The following MAD1L1 variants were observed in gnomAD, a reference collection of about 807,000 sequenced individuals.
MAD1L1 encodes the protein mitotic spindle assembly checkpoint protein MAD1.
Under a neutral mutation model 96.9 loss-of-function variants are expected in MAD1L1, and 95 were observed. The ratio of observed to expected loss-of-function variants is 0.98; its 90% CI spans 0.83 to 1.16. MAD1L1 has a LOEUF of 1.16. Among genes scored for constraint, MAD1L1 ranks in the 50% most tolerant of loss-of-function variants. The pLI is 0.00. For missense variants in MAD1L1, 1,007 were observed against 954.4 expected (o/e 1.06, Z -0.73); for synonymous variants, 473 against 396.6 (o/e 1.19, Z -2.29).
chr7:2,085,940 G>A (rs1350608085), intron 11 of MAD1L1, among the ~76,000 whole-genome samples: 2 of 152,182 alleles, frequency 1.3e-5, no homozygotes, highest in Non-Finnish European at 2.9e-5. Flanking sequence ...CGAGGGCGCC[G>A]ACTGCCCACT....
At chr7:1,929,744 C>CCCCTACT in intron 17 of MAD1L1, among the ~76,000 whole-genome samples, 12 of 141,950 alleles carry the variant, frequency 8.5e-5, no homozygotes, top group South Asian at 2.4e-4. Flanking sequence ...CACGTCCCCT[C>CCCCTACT]GCCCCGTCCC....
intron 14 of MAD1L1, among the ~76,000 whole-genome samples, chr7:1,987,571 G>GGGGGGGAGAGGCAGGT (rs1562586834): frequency 1.3e-5 from 2 of 152,256 alleles, no homozygotes; most frequent in South Asian, 4.2e-4. Context: ...CCATCGGGGA[G>GGGGGGGAGAGGCAGGT]GGGGGGAGAG....
chr7:2,224,889 A>G (rs989453285), intron 4 of MAD1L1, among the ~76,000 whole-genome samples: 8 of 152,100 alleles, frequency 5.3e-5, no homozygotes, highest in Non-Finnish European at 1.0e-4. Context: ...TCCAACCCCA[A>G]GACCCAGCAT....
chr7:1,874,464 G>A, intron 18 of MAD1L1: 1 of 451,628 alleles, frequency 2.2e-6, no homozygotes, highest in Non-Finnish European at 4.4e-6. Flanking sequence ...GGCTCTGGTG[G>A]AGGAGAGGAG....
chr7:2,088,393 C>A lies in MAD1L1; in HGVS notation c.1074-19055G>T, dbSNP rs1786036902. Among the ~76,000 whole-genome samples the A allele has an allele frequency of 6.6e-6, 1 of 152,220 alleles. No homozygotes were observed. Among genetic ancestry groups the A allele is most frequent in the Admixed American group, 6.5e-5 (1 of 15,288 alleles). ...CAACCTTCTGGCCCACACTGAGCCA[C>A]CTATTCCCACCACAGCCCCCGCCCC... is the stretch of plus-strand genomic sequence containing the variant. On this transcript the variant is annotated intron_variant, in intron 11 of 18. Transcript: ENST00000265854. The surrounding 1 kb of genome is among the most constrained non-coding windows in gnomAD (Gnocchi z 4.4).
chr7:1,870,284 A>AACCGACCGTAACACCTGCCAC (rs1784986334), intron 18 of MAD1L1, among the ~76,000 whole-genome samples: 1 of 150,112 alleles, frequency 6.7e-6, no homozygotes, highest in Non-Finnish European at 1.5e-5. Flanking sequence ...TGCCACGCTG[A>AACCGACCGTAACACCTGCCAC]ACCGACCGTA....
intron 12 of MAD1L1, among the ~76,000 whole-genome samples, chr7:2,051,396 G>C (rs545575385): frequency 6.6e-6 from 1 of 152,326 alleles, no homozygotes; most frequent in East Asian, 1.9e-4. Context: ...TGGTGCTGTG[G>C]AGCCTTGGCC....
chr7:1,943,868 C>T (rs375946905), intron 16 of MAD1L1, among the ~76,000 whole-genome samples: 27 of 152,282 alleles, frequency 1.8e-4, no homozygotes, highest in African/African-American at 6.0e-4. Flanking sequence ...AAGATGTGGC[C>T]GTGCAGACAG....
chr7:1,862,502 C>T (rs765387772), intron 18 of MAD1L1, among the ~76,000 whole-genome samples: 46 of 152,216 alleles, frequency 3.0e-4, no homozygotes, highest in Admixed American at 9.8e-4. Context: ...ATCCCTCCCT[C>T]CCTGCCTTGC....
At chr7:1,887,935 ACGTG>A (rs1404591687) in intron 18 of MAD1L1, among the ~76,000 whole-genome samples, 4 of 136,836 alleles carry the variant, frequency 2.9e-5, no homozygotes, top group East Asian at 2.3e-4. Flanking sequence ...CTGCCTGTGC[ACGTG>A]TGTGTATGCA....
intron 7 of MAD1L1, among the ~76,000 whole-genome samples, chr7:2,217,430 G>A (rs1562381718): frequency 6.6e-6 from 1 of 152,252 alleles, no homozygotes; most frequent in Non-Finnish European, 1.5e-5. Context: ...TCTGCAGCCA[G>A]GAAGAGCTGG....
rs145378518 is a variant in MAD1L1 at position 2,060,599 on chromosome 7, G to C, written c.1218+8595C>G. On this transcript the variant is annotated intron_variant, in intron 12 of 18. Transcript: ENST00000265854. ...AACACTGGAAGGAGGAGGCAACGAC[G>C]ACAGCATGGAATCGTAAACAAATAA... 3.6e-3 allele frequency among the ~76,000 whole-genome samples: 553 copies of C among 152,280 alleles called. 7 individuals carry two copies. Among genetic ancestry groups the C allele is most frequent in the Non-Finnish European group, 3.8e-3 (258 of 68,028 alleles).
chr7:1,957,817 C>T, intron 15 of MAD1L1, 98 bp from the exon 16 acceptor site: 1 of 919,810 alleles, frequency 1.1e-6, no homozygotes, highest in Non-Finnish European at 1.8e-6. Flanking sequence ...TTAGGAGACC[C>T]AGCTATACAG....
chr7:1,960,774 A>G (rs1352247845), intron 15 of MAD1L1, among the ~76,000 whole-genome samples: 2 of 152,202 alleles, frequency 1.3e-5, no homozygotes, highest in African/African-American at 2.4e-5. Context: ...CAAGGACCAC[A>G]TGATCAGCCA....
At chr7:1,891,263 C>A (rs1371796009) in intron 18 of MAD1L1, among the ~76,000 whole-genome samples, 3 of 151,958 alleles carry the variant, frequency 2.0e-5, no homozygotes, top group Admixed American at 1.3e-4. Context: ...CGGTGGCTCA[C>A]GCCTGTAATC....
At chr7:2,061,322 G>A (rs998330929) in intron 12 of MAD1L1, among the ~76,000 whole-genome samples, 18 of 152,098 alleles carry the variant, frequency 1.2e-4, no homozygotes, top group African/African-American at 4.1e-4. Flanking sequence ...GGGCAACAGA[G>A]TGAGACTCCG....
At chr7:2,133,841 G>A (rs1267463582) in intron 11 of MAD1L1, among the ~76,000 whole-genome samples, 1 of 152,174 alleles carries the variant, frequency 6.6e-6, no homozygotes, top group African/African-American at 2.4e-5. Context: ...ACGATCAGCC[G>A]AGTATATCTG....
intron 10 of MAD1L1, among the ~76,000 whole-genome samples, chr7:2,183,288 A>G (rs966782705): frequency 2.0e-5 from 3 of 152,170 alleles, no homozygotes; most frequent in Non-Finnish European, 2.9e-5. Context: ...AACTAAAGAA[A>G]ATGACAAGCC....
chr7:2,008,871 G>A (rs930057552), intron 13 of MAD1L1, among the ~76,000 whole-genome samples: 5 of 152,166 alleles, frequency 3.3e-5, no homozygotes, highest in Admixed American at 2.0e-4. Flanking sequence ...ACGACCTGAC[G>A]CAGTGCTCGG....
Sources: gnomAD v4.1 joint callset for allele counts (sites outside exome capture counted in the v4.1 genomes callset) on GRCh38, gnomAD v4.1.1 for gene constraint, Gnocchi (gnomAD v3.1) non-coding constraint, MANE v1.5 for transcripts, NCBI Gene and HGNC (gene_info 2026-07-23, HGNC 2026-07-21) for gene names.